Variants in PCM1 observed in about 807,000 individuals in gnomAD.
PCM1 encodes the protein pericentriolar material 1.
A neutral mutation model predicts 241.9 loss-of-function variants in PCM1; 157 were observed. The observed-to-expected ratio is 0.65, with a 90% CI of 0.57 to 0.74. The LOEUF is 0.74. Ranked by LOEUF, PCM1 falls within the 30% of genes least tolerant of loss-of-function variation. The pLI is 0.00. For missense variants in PCM1, 3,478 were observed against 2,360.1 expected (o/e 1.47, Z -9.81); for synonymous variants, 1,085 against 784.9 (o/e 1.38, Z -6.39).
At chr8:17,939,951 T>G (rs1211164492) in intron 6 of PCM1, 90 bp downstream of exon 6, 2 of 1,125,120 alleles carry the variant, frequency 1.8e-6, no homozygotes, top group Non-Finnish European at 2.6e-6. Context: ...CCCAGAGGAG[T>G]TAACATATTT....
intron 30 of PCM1, among the ~76,000 whole-genome samples, chr8:18,008,712 C>T (rs1296486364): frequency 6.6e-6 from 1 of 152,180 alleles, no homozygotes; most frequent in African/African-American, 2.4e-5. Flanking sequence ...TGAGTCTTTT[C>T]TGCCCCCTGA....
chr8:18,014,676 C>T lies in PCM1; in HGVS notation c.5677C>T (p.Pro1893Ser), dbSNP rs770101884. ...LNSAAHKESP[P>S]TVDSTQQPNP... Reference sequence around the variant, plus strand: ...TAGTGCTGCCCATAAGGAGTCACCTCCTACTGTTGATTCAACTCAACAGCC... The same window carrying T: ...TAGTGCTGCCCATAAGGAGTCACCTTCTACTGTTGATTCAACTCAACAGCC... The change falls in exon 36 of 39, where the codon CCT (proline) becomes TCT (serine). Residue 1893 changes from proline to serine, a missense_variant. Physicochemically the swap from Pro to Ser is moderately conservative, Grantham distance 74. Coordinates refer to ENST00000325083, the MANE Select transcript of PCM1 (RefSeq NM_006197.4). 6.2e-6 allele frequency: 10 copies of T among 1,613,816 alleles called. No individual in the cohort carries two copies. The South Asian group carries it at 9.9e-5, about 16-fold the overall frequency.
Position 17,939,701 on chromosome 8 carries a change from G to A in PCM1, c.623G>A (p.Arg208Lys). The A allele has an allele frequency of 6.5e-7, 1 of 1,533,692 alleles. No individual in the cohort carries two copies. Among genetic ancestry groups the A allele is most frequent in the Non-Finnish European group, 8.8e-7 (1 of 1,138,564 alleles). Residue 208 changes from arginine (R) to lysine (K), a missense_variant, in exon 6 of 39, where the codon AGG becomes AAG. By Grantham distance (26) the Arg-to-Lys change is conservative. Coordinates refer to ENST00000325083, the MANE Select transcript of PCM1 (RefSeq NM_006197.4). Reference sequence around the variant, plus strand: ...ATATTTCCCCTGCAGATTGTAAGCAGGCTTGTTCAAATTCGCGATTATATT... The same window carrying A: ...ATATTTCCCCTGCAGATTGTAAGCAAGCTTGTTCAAATTCGCGATTATATT... ...PAMESSQIVS[R>K]LVQIRDYITK...
chr8:17,979,301 A>G (rs1564122489), intron 23 of PCM1, among the ~76,000 whole-genome samples: 1 of 152,144 alleles, frequency 6.6e-6, no homozygotes. Flanking sequence ...CATTAGGTCA[A>G]ATAATTGGAA....
chr8:18,028,216 T>C lies in PCM1; in HGVS notation c.*554T>C, dbSNP rs1040318347. 3.7e-5 allele frequency: 7 copies of C among 190,576 alleles called. No homozygotes were observed. Among genetic ancestry groups the C allele is most frequent in the African/African-American group, 1.6e-4 (7 of 43,028 alleles). 11.8% of individuals were successfully genotyped at this position (190,576 alleles called of 1,614,324 possible). ...AAGAATAGGGCAGATTATCAAGATA[T>C]CCAGGATACCTATGAAGTTATTATA... is the stretch of plus-strand genomic sequence containing the variant. On this transcript the variant is annotated 3_prime_UTR_variant, in exon 39 of 39. Coordinates refer to ENST00000325083, the MANE Select transcript of PCM1 (RefSeq NM_006197.4).
Position 17,939,834 on chromosome 8 carries a change from A to G in PCM1, c.756A>G (p.Ser252=), listed in dbSNP as rs755233551. Reference sequence around the variant, plus strand: ...ATCACCTTAAAGAACAAGAGAAGTCATATATGAAATTTCTTAAAAAAATCC... The same window carrying G: ...ATCACCTTAAAGAACAAGAGAAGTCGTATATGAAATTTCTTAAAAAAATCC... The part of the protein sequence containing the change: ...LIDHLKEQEK[S]YMKFLKKILA... Residue 252 remains serine (S), a synonymous_variant, in exon 6 of 39, where the codon TCA becomes TCG. Transcript: ENST00000325083. 11 of 1,508,940 alleles carry G rather than the reference A, an allele frequency of 7.3e-6. No individual in the cohort carries two copies. The South Asian group carries it at 1.1e-4, about 15-fold the overall frequency. The allele number at this position is 1,508,940 out of a possible 1,614,324, so 93.5% of individuals were successfully genotyped here.
intron 28 of PCM1, among the ~76,000 whole-genome samples, chr8:17,993,104 C>G (rs1274228940): frequency 1.3e-5 from 2 of 152,002 alleles, no homozygotes; most frequent in East Asian, 3.9e-4. Flanking sequence ...TAAGTTCCAT[C>G]TGTTTATCTT....
At chr8:17,985,041 T>A (rs1258102189) in intron 24 of PCM1, among the ~76,000 whole-genome samples, 1 of 151,936 alleles carries the variant, frequency 6.6e-6, no homozygotes, top group Non-Finnish European at 1.5e-5. Flanking sequence ...TAACAAAATA[T>A]ACAAACTTCC....
intron 35 of PCM1, among the ~76,000 whole-genome samples, 174 bp downstream of exon 35, chr8:18,014,210 T>C (rs2092883985): frequency 1.3e-5 from 2 of 152,102 alleles, no homozygotes; most frequent in African/African-American, 4.8e-5. Context: ...ACATAAGAAT[T>C]TGTTTCTATA....
intron 30 of PCM1, among the ~76,000 whole-genome samples, chr8:18,007,229 T>A (rs1241753195): frequency 1.3e-5 from 2 of 152,250 alleles, no homozygotes; most frequent in Admixed American, 6.5e-5. Context: ...AATTTTCTTA[T>A]GAAACTTGGC....
intron 2 of PCM1, among the ~76,000 whole-genome samples, chr8:17,928,512 C>G (rs950901343): frequency 1.3e-5 from 2 of 151,558 alleles, no homozygotes; most frequent in African/African-American, 4.8e-5. Context: ...CTCTCTAAAG[C>G]TAATCATTTG....
chr8:18,011,622 A>C (rs748799238), intron 33 of PCM1, 45 bp from the exon 34 acceptor site: 8 of 1,535,126 alleles, frequency 5.2e-6, no homozygotes, highest in African/African-American at 2.7e-5. Flanking sequence ...TATTGTTAAG[A>C]TTATGTGCTG....
At chr8:17,937,940 A>T (rs1185192982) in intron 4 of PCM1, among the ~76,000 whole-genome samples, 1 of 152,198 alleles carries the variant, frequency 6.6e-6, no homozygotes, top group Non-Finnish European at 1.5e-5. Context: ...ATGATCATGT[A>T]TCATTTATTT....
At chr8:18,022,425 G>A (rs1307927514) in intron 36 of PCM1, among the ~76,000 whole-genome samples, 1 of 152,194 alleles carries the variant, frequency 6.6e-6, no homozygotes, top group African/African-American at 2.4e-5. Flanking sequence ...CAAAGCAATT[G>A]CTGGCCATGT....
intron 5 of PCM1, 132 bp downstream of exon 5, chr8:17,939,141 G>T (rs1168987425): frequency 6.7e-6 from 5 of 743,292 alleles, no homozygotes; most frequent in African/African-American, 1.8e-5. Context: ...GACCTCCTTT[G>T]TTAATCTGCC....
Position 18,010,630 on chromosome 8 carries a change from C to T in PCM1, c.5182C>T (p.His1728Tyr), listed in dbSNP as rs1238631946. Residue 1728 changes from histidine (H) to tyrosine (Y), a missense_variant, in exon 32 of 39, where the codon CAT becomes TAT. By Grantham distance (83) the His-to-Tyr change is moderately conservative. Transcript: ENST00000325083. Reference protein sequence around the residue: ...AKEAKRILEDHGSPAGEIDDE... With the variant: ...AKEAKRILEDYGSPAGEIDDE... Reference sequence around the variant, plus strand: ...AAAGGCTAAAAGGATTCTTGAAGATCATGGCTCACCTGCTGGAGAGATTGA... The same window carrying T: ...AAAGGCTAAAAGGATTCTTGAAGATTATGGCTCACCTGCTGGAGAGATTGA... 6.2e-7 allele frequency: 1 copy of T among 1,602,518 alleles called. No homozygotes were observed. The highest frequency in any genetic ancestry group is 1.1e-5 in the South Asian group (1 of 89,002).
chr8:17,987,597 T>C (rs2083041691), intron 26 of PCM1, among the ~76,000 whole-genome samples: 2 of 151,914 alleles, frequency 1.3e-5, no homozygotes, highest in South Asian at 4.1e-4. Flanking sequence ...GTATTTAGTA[T>C]TACTTTTAAT....
chr8:17,938,445 T>A (rs1257112288), intron 4 of PCM1, among the ~76,000 whole-genome samples: 1 of 152,196 alleles, frequency 6.6e-6, no homozygotes, highest in Non-Finnish European at 1.5e-5. Flanking sequence ...TAACACTTCT[T>A]GTCTGAAATA....
intron 2 of PCM1, chr8:17,925,307 A>G (rs1336032493): frequency 6.6e-6 from 1 of 152,230 alleles, no homozygotes; most frequent in African/African-American, 2.4e-5. Flanking sequence ...GTCACATGCA[A>G]GTGACATAAA....
Sources: allele counts gnomAD v4.1 joint callset (sites outside exome capture counted in the v4.1 genomes callset), GRCh38; gene constraint gnomAD v4.1.1; transcripts MANE v1.5; gene names NCBI Gene and HGNC (gene_info 2026-07-23, HGNC 2026-07-21).